The following CSTL1 variants were observed in gnomAD, a reference collection of about 807,000 sequenced individuals.
CSTL1 encodes the protein cystatin like 1, also known as cystatin-like 1.
In CSTL1, 14 loss-of-function variants were observed where a neutral mutation model predicts 14.4. The observed-to-expected ratio is 0.97, with a 90% confidence interval of 0.64 to 1.52. CSTL1 has a LOEUF of 1.52. CSTL1 is among the 40% of genes most tolerant of loss of function. The pLI, the probability that CSTL1 is intolerant of heterozygous loss-of-function variation, is 0.00. For synonymous variants in CSTL1, 72 were observed against 67.5 expected (o/e 1.07, Z -0.33); for missense variants, 170 against 168.7 (o/e 1.01, Z -0.04).
the CSTL1 span, chr20:23,458,815 C>G: frequency 1.3e-5 from 2 of 152,228 alleles, no homozygotes; most frequent in African/African-American, 4.8e-5. Flanking sequence ...ATTGCTGGGC[C>G]TCAGAGGAGA....
At chr20:23,451,805 T>G in the CSTL1 span, 209 of 1,606,194 alleles carry the variant, frequency 1.3e-4, no homozygotes, top group Non-Finnish European at 1.7e-4. Context: ...TAAAGTGCTT[T>G]TACCCAATAC....
chr20:23,439,843 G>A (rs1414695488), intron 1 of CSTL1, 37 bp downstream of exon 1: 1 of 204,662 alleles, frequency 4.9e-6, no homozygotes, highest in Non-Finnish European at 1.0e-5. Flanking sequence ...CCATATGACT[G>A]CTTCCTTATA....
chr20:23,443,890 G>A, intron 2 of CSTL1, 44 bp from the exon 3 acceptor site: 1 of 1,441,568 alleles, frequency 6.9e-7, no homozygotes, highest in Non-Finnish European at 9.8e-7. Context: ...GTCAGCCACT[G>A]GATGCTTGGA....
At chr20:23,461,110 A>G in the CSTL1 span, among the ~76,000 whole-genome samples, 1 of 152,220 alleles carries the variant, frequency 6.6e-6, no homozygotes, top group Admixed American at 6.5e-5. Context: ...GTCAGCAACC[A>G]TCAACATCAA....
downstream of CSTL1, among the ~76,000 whole-genome samples, chr20:23,446,576 A>G (rs1600274009): frequency 6.6e-6 from 1 of 152,206 alleles, no homozygotes; most frequent in South Asian, 2.1e-4. Context: ...CTTTCTAAGG[A>G]CAGCAGTTCA....
chr20:23,446,916 G>A (rs1445298612), downstream of CSTL1, among the ~76,000 whole-genome samples: 3 of 152,110 alleles, frequency 2.0e-5, no homozygotes, highest in South Asian at 4.2e-4. Flanking sequence ...AGAGGATGGA[G>A]GAAGAGAGTT....
At chr20:23,446,347 C>T (rs529233916), downstream of CSTL1, among the ~76,000 whole-genome samples, 1 of 152,238 alleles carries the variant, frequency 6.6e-6, no homozygotes, top group African/African-American at 2.4e-5. Context: ...TCTCCGCCTC[C>T]CAGGTTCAAC....
intron 2 of CSTL1, chr20:23,440,754 CT>C: frequency 2.2e-6 from 1 of 447,454 alleles, no homozygotes; most frequent in Admixed American, 3.4e-5. Context: ...GAGGATTAAA[CT>C]CTTTTTTTTT....
At chr20:23,444,689 G>A (rs1986926812) in intron 3 of CSTL1, 82 bp from the exon 4 acceptor site, 1 of 868,988 alleles carries the variant, frequency 1.2e-6, no homozygotes, top group Non-Finnish European at 1.9e-6. Context: ...GCAGCCACAG[G>A]GAGAGACCTG....
chr20:23,452,075 G>GT, the CSTL1 span, among the ~76,000 whole-genome samples: 3 of 152,202 alleles, frequency 2.0e-5, no homozygotes, highest in African/African-American at 7.2e-5. Flanking sequence ...ACTCATGATT[G>GT]TTTTTGTCAT....
downstream of CSTL1, among the ~76,000 whole-genome samples, chr20:23,449,299 T>C (rs1940286610): frequency 6.6e-6 from 1 of 152,172 alleles, no homozygotes; most frequent in Non-Finnish European, 1.5e-5. Context: ...AGGGAATTCA[T>C]GCCCCCTAAG....
chr20:23,444,097 G>C (rs979069646), intron 3 of CSTL1, 53 bp downstream of exon 3: 39 of 1,522,758 alleles, frequency 2.6e-5, no homozygotes, highest in Non-Finnish European at 3.4e-5. Flanking sequence ...ATTTTAAAAA[G>C]CAACAGCTAG....
chr20:23,450,709 C>T, the CSTL1 span: 1 of 580,452 alleles, frequency 1.7e-6, no homozygotes, highest in East Asian at 2.8e-5. Flanking sequence ...CCCTACAATC[C>T]TATTTGACCA....
At chr20:23,448,739 CA>C, downstream of CSTL1, among the ~76,000 whole-genome samples, 1 of 152,270 alleles carries the variant, frequency 6.6e-6, no homozygotes, top group South Asian at 2.1e-4. Context: ...GACACCATAG[CA>C]AAAAATGTCA....
chr20:23,444,937 C>T (rs1986934977), downstream of CSTL1: 1 of 1,169,952 alleles, frequency 8.5e-7, no homozygotes. Context: ...ATCATGTCTC[C>T]CTCATTGGGG....
chr20:23,452,014 G>C, the CSTL1 span: 3 of 854,196 alleles, frequency 3.5e-6, no homozygotes, highest in Non-Finnish European at 5.9e-6. Flanking sequence ...CACGTCCAAG[G>C]GCAAGGAGCT....
At chr20:23,460,593 C>G in the CSTL1 span, among the ~76,000 whole-genome samples, 1 of 151,938 alleles carries the variant, frequency 6.6e-6, no homozygotes, top group African/African-American at 2.4e-5. Context: ...AAGGACGCAC[C>G]TGGGAGACAG....
chr20:23,455,724 G>C, the CSTL1 span, among the ~76,000 whole-genome samples: 1 of 152,328 alleles, frequency 6.6e-6, no homozygotes, highest in East Asian at 1.9e-4. Context: ...GCAAGAGGGC[G>C]GCACCAAAGA....
chr20:23,445,841 C>G (rs978064809), downstream of CSTL1, among the ~76,000 whole-genome samples: 33 of 152,036 alleles, frequency 2.2e-4, no homozygotes, highest in Non-Finnish European at 3.8e-4. Flanking sequence ...GATATGACAG[C>G]AATGGGACAC....
Sources: gnomAD v4.1 joint callset for allele counts (sites outside exome capture counted in the v4.1 genomes callset) on GRCh38, gnomAD v4.1.1 for gene constraint, MANE v1.5 for transcripts, NCBI Gene and HGNC (gene_info 2026-07-23, HGNC 2026-07-21) for gene names.